The following SLC44A5 variants were observed in gnomAD, a reference collection of about 807,000 sequenced individuals.
SLC44A5 encodes the protein solute carrier family 44 member 5, also known as choline transporter-like protein 5.
SLC44A5 carries 57 observed loss-of-function variants against 101.8 expected under a neutral mutation model. That is an observed-to-expected ratio of 0.56 (90% CI 0.45 to 0.70). SLC44A5 has a LOEUF of 0.70. Ranked by LOEUF, SLC44A5 falls within the 30% of genes least tolerant of loss-of-function variation. The pLI is 0.00. For missense variants in SLC44A5, 737 were observed against 853.1 expected (o/e 0.86, Z 1.70); for synonymous variants, 281 against 290.9 (o/e 0.97, Z 0.35).
chr1:75,451,318 C>T (rs1040109715), intron 2 of SLC44A5, among the ~76,000 whole-genome samples: 3 of 152,046 alleles, frequency 2.0e-5, no homozygotes, highest in Admixed American at 6.6e-5. Context: ...ACATGTTAGC[C>T]GCAGCCAATT....
intron 2 of SLC44A5, among the ~76,000 whole-genome samples, chr1:75,416,474 A>G (rs917093845): frequency 2.6e-5 from 4 of 152,218 alleles, no homozygotes; most frequent in Non-Finnish European, 4.4e-5. Flanking sequence ...CCTCTGCTAG[A>G]GCAGTGTGAA....
In SLC44A5 at chr1:75,227,748, C is replaced by G. The variant is rs764370354; in HGVS notation, c.963G>C (p.Leu321=). Residue 321 remains leucine (L), a synonymous_variant, in exon 13 of 24, where the codon CTG becomes CTC. Transcript: ENST00000370859. The part of the protein sequence containing the change: ...IQTNISMYFE[L]QQTWFTFMII... The stretch of plus-strand genomic sequence containing the variant: ...CACTAAATGTGAACCATGTTTGTTG[C>G]AGTTCAAAGTACATGCTTATGTTAG... 2.6e-6 allele frequency: 4 copies of G among 1,554,998 alleles called. No individual in the cohort carries two copies. The highest frequency in any genetic ancestry group is 2.6e-6 in the Non-Finnish European group (3 of 1,162,204).
chr1:75,230,513 T>G (rs532564409), intron 12 of SLC44A5, among the ~76,000 whole-genome samples: 1 of 152,282 alleles, frequency 6.6e-6, no homozygotes, highest in African/African-American at 2.4e-5. Context: ...CTTCCCAAAG[T>G]GCTGGGATTA....
In SLC44A5 at chr1:75,541,501, T is replaced by C. The variant is rs1671354777; in HGVS notation, c.-54A>G. On this transcript the variant is annotated 5_prime_UTR_variant, in exon 2 of 24. Transcript: ENST00000370859. ...AGGCCTGAATCACTGCAAACTTGAG[T>C]TGCTTAGAAAAGAGTCTGTGATAAA... 3 of 1,604,116 alleles carry C rather than the reference T, an allele frequency of 1.9e-6. No homozygotes were observed. Among genetic ancestry groups the C allele is most frequent in the African/African-American group, 2.7e-5 (2 of 74,606 alleles).
chr1:75,606,239 A>C (rs999272036), intron 1 of SLC44A5, among the ~76,000 whole-genome samples: 2 of 151,992 alleles, frequency 1.3e-5, no homozygotes, highest in Non-Finnish European at 2.9e-5. Flanking sequence ...ATTTTGTCAG[A>C]AAATCCATTT....
At chr1:75,289,014 C>A (rs867228472) in intron 5 of SLC44A5, among the ~76,000 whole-genome samples, 2 of 152,260 alleles carry the variant, frequency 1.3e-5, no homozygotes, top group African/African-American at 2.4e-5. Context: ...TATAAAGACA[C>A]ACGTGTGCTA....
At chr1:75,584,478 C>T (rs1480784659) in intron 1 of SLC44A5, among the ~76,000 whole-genome samples, 3 of 152,092 alleles carry the variant, frequency 2.0e-5, no homozygotes, top group African/African-American at 4.8e-5. Flanking sequence ...AGCTAGAGTC[C>T]TCATATTTGG....
intron 6 of SLC44A5, among the ~76,000 whole-genome samples, chr1:75,264,131 A>G (rs1180295983): frequency 6.6e-5 from 1 of 15,154 alleles, no homozygotes; most frequent in Non-Finnish European, 2.9e-4. Context: ...AAGTATTTAA[A>G]AAAAAAAAAA....
At chr1:75,650,700 G>A in the SLC44A5 span, among the ~76,000 whole-genome samples, 3 of 152,154 alleles carry the variant, frequency 2.0e-5, no homozygotes, top group African/African-American at 7.2e-5. Flanking sequence ...ACAGTTCACT[G>A]TAGCCTTGAT....
intron 4 of SLC44A5, among the ~76,000 whole-genome samples, chr1:75,310,158 C>G (rs954897338): frequency 2.0e-5 from 3 of 152,098 alleles, no homozygotes; most frequent in Admixed American, 1.3e-4. Context: ...GCTGAAAATA[C>G]CAGGAAACTT....
At chr1:75,298,618 G>A (rs1010604770) in intron 5 of SLC44A5, among the ~76,000 whole-genome samples, 4 of 151,940 alleles carry the variant, frequency 2.6e-5, no homozygotes, top group Admixed American at 1.3e-4. Context: ...GACTGGCTTC[G>A]AGATACAGAG....
intron 2 of SLC44A5, among the ~76,000 whole-genome samples, chr1:75,407,863 G>A (rs981865541): frequency 2.6e-5 from 4 of 152,142 alleles, no homozygotes; most frequent in East Asian, 1.9e-4. Context: ...TGACAAATGA[G>A]ATCTAATCAA....
intron 5 of SLC44A5, among the ~76,000 whole-genome samples, chr1:75,296,843 T>C (rs1654005307): frequency 6.6e-6 from 1 of 152,166 alleles, no homozygotes; most frequent in South Asian, 2.1e-4. Context: ...CCAAACTCAC[T>C]GGCTTAATAT....
At chr1:75,442,914 C>T (rs1665291076) in intron 2 of SLC44A5, among the ~76,000 whole-genome samples, 1 of 152,090 alleles carries the variant, frequency 6.6e-6, no homozygotes, top group South Asian at 2.1e-4. Context: ...TTTTAAACTC[C>T]ATAAGTTGGA....
In SLC44A5 at chr1:75,276,908, T is replaced by C. The variant is rs191477602; in HGVS notation, c.176-1866A>G. Among the ~76,000 whole-genome samples, 26 of 152,262 alleles carry C rather than the reference T, an allele frequency of 1.7e-4. 1 individual carries two copies. In the East Asian group the frequency reaches 4.2e-3, roughly 25 times the overall value. On this transcript the variant is annotated intron_variant, in intron 5 of 23. Transcript: ENST00000370859. ...TGCAGAGCCGTGTGGAACATGTCTG[T>C]CAGTAGGAATTGTAAAACTGCCCAC...
At chr1:75,252,417 A>G (rs1442006445) in intron 6 of SLC44A5, among the ~76,000 whole-genome samples, 2 of 152,214 alleles carry the variant, frequency 1.3e-5, no homozygotes, top group Non-Finnish European at 2.9e-5. Flanking sequence ...AGATCCTTTA[A>G]TCACTTCTAC....
chr1:75,601,925 T>G (rs1052005258), intron 1 of SLC44A5, among the ~76,000 whole-genome samples: 1 of 152,104 alleles, frequency 6.6e-6, no homozygotes, highest in Non-Finnish European at 1.5e-5. Flanking sequence ...AGATGCAGCA[T>G]AAAAACTCAT....
intron 1 of SLC44A5, among the ~76,000 whole-genome samples, chr1:75,580,890 C>T (rs933603093): frequency 1.3e-5 from 2 of 151,576 alleles, no homozygotes; most frequent in African/African-American, 4.8e-5. Context: ...AAAGAGGGCC[C>T]ATATGTTTAG....
chr1:75,569,020 G>C (rs896162626), intron 1 of SLC44A5, among the ~76,000 whole-genome samples: 2 of 152,098 alleles, frequency 1.3e-5, no homozygotes, highest in Non-Finnish European at 2.9e-5. Context: ...AGGCAGGTAA[G>C]GCTTCTCCTG....
Sources: gnomAD v4.1 joint callset for allele counts (sites outside exome capture counted in the v4.1 genomes callset) on GRCh38, gnomAD v4.1.1 for gene constraint, MANE v1.5 for transcripts, NCBI Gene and HGNC (gene_info 2026-07-23, HGNC 2026-07-21) for gene names.